The following XKR4 variants were observed in gnomAD, a reference collection of about 807,000 sequenced individuals.
The protein encoded by XKR4 is XK related 4.
In XKR4, 12 loss-of-function variants were observed where a neutral mutation model predicts 53.9. The observed-to-expected ratio is 0.22, with a 90% CI of 0.14 to 0.36. XKR4 has a LOEUF of 0.36. XKR4 is among the 10% of genes least tolerant of loss of function. The pLI is 1.00. For missense variants in XKR4, 799 were observed against 859.5 expected, an observed-to-expected ratio of 0.93 and a Z score of 0.88; for synonymous variants, 354 against 362.4, an observed-to-expected ratio of 0.98 and a Z score of 0.26.
intron 1 of XKR4, among the ~76,000 whole-genome samples, chr8:55,287,650 T>G (rs1373885280): frequency 2.6e-5 from 4 of 152,212 alleles, no homozygotes; most frequent in Non-Finnish European, 4.4e-5. Flanking sequence ...CTTTGCAGAT[T>G]TGCAGGTAAC....
intron 1 of XKR4, among the ~76,000 whole-genome samples, chr8:55,214,567 GAGT>G (rs1233417652): frequency 6.6e-6 from 1 of 152,178 alleles, no homozygotes. Context: ...AAAATATATT[GAGT>G]AGTGATGGTT....
chr8:55,365,813 A>C (rs1056536856), intron 2 of XKR4, among the ~76,000 whole-genome samples: 1 of 152,128 alleles, frequency 6.6e-6, no homozygotes, highest in Non-Finnish European at 1.5e-5. Context: ...GAGATTCGTA[A>C]CTGAAGGAAG....
intron 1 of XKR4, among the ~76,000 whole-genome samples, chr8:55,284,916 A>G (rs907339185): frequency 6.6e-6 from 1 of 152,170 alleles, no homozygotes; most frequent in African/African-American, 2.4e-5. Flanking sequence ...CCCTCAGAAA[A>G]AAACCTAGAA....
At chr8:55,375,901 C>T (rs2129386763) in intron 2 of XKR4, among the ~76,000 whole-genome samples, 1 of 152,080 alleles carries the variant, frequency 6.6e-6, no homozygotes, top group South Asian at 2.1e-4. Flanking sequence ...CCTAACAGGC[C>T]CCAGTGTGTG....
chr8:55,443,447 A>G (rs1805298555), intron 2 of XKR4, among the ~76,000 whole-genome samples: 1 of 150,078 alleles, frequency 6.7e-6, no homozygotes, highest in African/African-American at 2.5e-5. Flanking sequence ...GAGGTTGTTT[A>G]AAAAATCCTT....
At chr8:55,204,701 G>A (rs1235808389) in intron 1 of XKR4, among the ~76,000 whole-genome samples, 1 of 152,058 alleles carries the variant, frequency 6.6e-6, no homozygotes, top group East Asian at 1.9e-4. Context: ...GTTAAGGAAG[G>A]GAAAATTCTT....
rs575747410 is a variant in XKR4, at chr8:55,386,313, C to G, written c.1006+28436C>G. The stretch of plus-strand genomic sequence containing the variant: ...TGCATGATATCCACACGGGATGCAG[C>G]AAGCCTGAGAGTCCCTGCAAAGGGA... On this transcript the variant is annotated intron_variant, in intron 2 of 2. Coordinates refer to ENST00000327381, the MANE Select transcript of XKR4 (RefSeq NM_052898.2). Among the ~76,000 whole-genome samples the G allele has an allele frequency of 2.0e-5, 3 of 152,330 alleles. No homozygotes were observed. The East Asian group carries it at 5.8e-4, about 29-fold the overall frequency.
At chr8:55,459,292 C>A (rs919118290) in intron 2 of XKR4, among the ~76,000 whole-genome samples, 6 of 152,062 alleles carry the variant, frequency 3.9e-5, no homozygotes, top group Non-Finnish European at 8.8e-5. Context: ...AGAACATAGA[C>A]CTAAATGTAA....
At chr8:55,432,105 T>A (rs1364968908) in intron 2 of XKR4, among the ~76,000 whole-genome samples, 3 of 152,214 alleles carry the variant, frequency 2.0e-5, no homozygotes, top group African/African-American at 7.2e-5. Flanking sequence ...TGGTTGTAAA[T>A]TTTATCCAGG....
intron 1 of XKR4, among the ~76,000 whole-genome samples, chr8:55,251,799 T>C (rs535113716): frequency 6.6e-6 from 1 of 152,346 alleles, no homozygotes; most frequent in South Asian, 2.1e-4. Context: ...TCCGCAAATG[T>C]TTGGCTTGAG....
rs76950718 is a variant in XKR4, at chr8:55,444,508, T to G, written c.1007-78773T>G. On this transcript the variant is annotated intron_variant, in intron 2 of 2. Transcript: ENST00000327381. ...TAGTATCCAGAATATGTAAAGAACT[T>G]TTAATAATCAATTAAAAAGGTGAAT... 8.7e-3 allele frequency among the ~76,000 whole-genome samples: 1,332 copies of G among 152,308 alleles called. 11 individuals carry two copies. Among genetic ancestry groups the G allele is most frequent in the South Asian group, 0.018 (86 of 4,826 alleles).
chr8:55,368,503 A>C (rs1463494779), intron 2 of XKR4, among the ~76,000 whole-genome samples: 1 of 150,652 alleles, frequency 6.6e-6, no homozygotes, highest in Non-Finnish European at 1.5e-5. Context: ...TTGCCCTTTC[A>C]CTCTCCCAGG....
chr8:55,387,398 TTC>T lies in XKR4; in HGVS notation c.1006+29525_1006+29526del, dbSNP rs780799936. Among the ~76,000 whole-genome samples, 205 of 152,322 alleles carry T rather than the reference TTC, an allele frequency of 1.3e-3. 3 individuals are homozygous for T. The highest frequency in any genetic ancestry group is 1.7e-3 in the Non-Finnish European group (117 of 68,018). On this transcript the variant is annotated intron_variant, in intron 2 of 2. Transcript: ENST00000327381. Reference sequence around the variant, plus strand: ...GTGCCCTTAGGCATGAACTTCCACATTCTCTGTTACAGATAAAGTTTGTCCCC... The same window carrying T: ...GTGCCCTTAGGCATGAACTTCCACATTCTGTTACAGATAAAGTTTGTCCCC...
rs1194228876 is a variant in XKR4, at chr8:55,454,799, G to A, written c.1007-68482G>A. On this transcript the variant is annotated intron_variant, in intron 2 of 2. Transcript: ENST00000327381. ...TTTGGGGCAAACATCTGGGCAGATG[G>A]GCAGGCTCTGTGGGCGACAGGTGCG... The A allele has an allele frequency of 1.3e-5, 10 of 771,402 alleles. No individual in the cohort carries two copies. The East Asian group carries it at 2.4e-4, about 19-fold the overall frequency. The allele number at this position is 771,402 out of a possible 1,614,324, so 47.8% of individuals were successfully genotyped here.
chr8:55,186,462 T>G (rs1681860289), intron 1 of XKR4, among the ~76,000 whole-genome samples: 1 of 152,024 alleles, frequency 6.6e-6, no homozygotes, highest in Non-Finnish European at 1.5e-5. Flanking sequence ...GAGACCATCC[T>G]GGCTAACATG....
At chr8:55,112,562 GTTTTTTT>G (rs761779642) in intron 1 of XKR4, among the ~76,000 whole-genome samples, 5 of 77,212 alleles carry the variant, frequency 6.5e-5, no homozygotes, top group Non-Finnish European at 1.1e-4. Flanking sequence ...TACTTTTCAG[GTTTTTTT>G]TTTTTTTTTT....
At chr8:55,211,678 A>T (rs1328880006) in intron 1 of XKR4, among the ~76,000 whole-genome samples, 1 of 152,174 alleles carries the variant, frequency 6.6e-6, no homozygotes, top group African/African-American at 2.4e-5. Context: ...AGCCATTTAG[A>T]GTTACGTTTA....
chr8:55,103,414 G>GT (rs964669440), intron 1 of XKR4, 120 bp downstream of exon 1: 3 of 1,444,196 alleles, frequency 2.1e-6, no homozygotes, highest in African/African-American at 2.9e-5. Context: ...CACTCTTCCA[G>GT]TTTTTTGGGT....
At chr8:55,451,589 G>A (rs779629369) in intron 2 of XKR4, 1 of 1,316,418 alleles carries the variant, frequency 7.6e-7, no homozygotes, top group Non-Finnish European at 1.1e-6. Context: ...CGCCGGATGC[G>A]CCAGCAGACA....
Sources: gnomAD v4.1 joint callset for allele counts (sites outside exome capture counted in the v4.1 genomes callset) on GRCh38, gnomAD v4.1.1 for gene constraint, MANE v1.5 for transcripts, NCBI Gene and HGNC (gene_info 2026-07-23, HGNC 2026-07-21) for gene names.